Variants in NKAIN4 observed in about 807,000 individuals in gnomAD.
NKAIN4 encodes the protein sodium/potassium transporting ATPase interacting 4.
NKAIN4 carries 28 observed loss-of-function variants against 28.8 expected under a neutral mutation model. The ratio of observed to expected loss-of-function variants is 0.97; its 90% CI spans 0.72 to 1.33. NKAIN4 has a LOEUF of 1.33. Ranked by LOEUF, NKAIN4 falls within the 40% of genes most tolerant of loss-of-function variation. The pLI is 0.00. For synonymous variants in NKAIN4, 122 were observed against 115.6 expected, an observed-to-expected ratio of 1.06 and a Z score of -0.36; for missense variants, 289 against 277.2, an observed-to-expected ratio of 1.04 and a Z score of -0.30.
chr20:63,241,534 G>A (rs1211130813), intron 6 of NKAIN4, 28 bp from the exon 7 acceptor site: 1 of 1,548,742 alleles, frequency 6.5e-7, no homozygotes, highest in African/African-American at 1.4e-5. Flanking sequence ...GAGAGCACCT[G>A]GGGGAACAGG....
chr20:63,244,237 A>C (rs992617979), intron 4 of NKAIN4, among the ~76,000 whole-genome samples, 153 bp from the exon 5 acceptor site: 1 of 152,196 alleles, frequency 6.6e-6, no homozygotes, highest in Non-Finnish European at 1.5e-5. Context: ...TTGGAGTGGG[A>C]GAGCTGACCC....
intron 1 of NKAIN4, chr20:63,253,304 C>T (rs2295537): frequency 0.5 from 489,211 of 984,894 alleles, 122,089 homozygotes; most frequent in African/African-American, 0.55. Context: ...GCGGCCCCAG[C>T]GAGCCTCCCA....
chr20:63,250,207 G>A (rs2295535), intron 1 of NKAIN4, 135 bp from the exon 2 acceptor site: 110,340 of 996,340 alleles, frequency 0.11, 7,152 homozygotes, highest in East Asian at 0.29. Context: ...TTTGTTTGAC[G>A]AAGGACACCA....
At chr20:63,244,321 C>CAGGT in intron 4 of NKAIN4, 1 of 580,990 alleles carries the variant, frequency 1.7e-6, no homozygotes. Flanking sequence ...GGGTAGGGGG[C>CAGGT]AGGTGGGTGA....
Position 63,245,850 on chromosome 20 carries a change from A to G in NKAIN4, c.471+1728T>C, listed in dbSNP as rs899663270. Reference sequence around the variant, plus strand: ...GGAGGCCCCATCTCCCCAACCATGCAGAGTGCCCACTCCTCCAGCCTCGGC... The same window carrying G: ...GGAGGCCCCATCTCCCCAACCATGCGGAGTGCCCACTCCTCCAGCCTCGGC... On this transcript the variant is annotated intron_variant, in intron 4 of 6. Transcript: ENST00000370316. This position sits in a 1 kb window ranked among gnomAD's most constrained non-coding sequence, Gnocchi z 4.7. Among the ~76,000 whole-genome samples the G allele has an allele frequency of 6.6e-6, 1 of 152,102 alleles. No homozygotes were observed. Among genetic ancestry groups the G allele is most frequent in the African/African-American group, 2.4e-5 (1 of 41,498 alleles).
intron 5 of NKAIN4, 96 bp from the exon 6 acceptor site, chr20:63,242,719 G>T: frequency 1.2e-6 from 1 of 807,664 alleles, no homozygotes. Flanking sequence ...AGCCCAAGGG[G>T]TCCCTGGGGG....
rs2066742260 is a variant in NKAIN4 at position 63,241,111 on chromosome 20, T to C, written c.*386A>G. On this transcript the variant is annotated 3_prime_UTR_variant, in exon 7 of 7. Transcript: ENST00000370316. ...TGGGGAGGCTGCATCCCAGCAGCAG[T>C]GCTTGCAGCCCGAGGGTCCAGCAGC... 3.9e-6 allele frequency: 1 copy of C among 257,390 alleles called. No homozygotes were observed. The highest frequency in any genetic ancestry group is 4.5e-5 in the South Asian group (1 of 22,202). The allele number at this position is 257,390 out of a possible 1,614,324, so 15.9% of individuals were successfully genotyped here. A position where few individuals can be genotyped will look rare whatever the true frequency, so the allele number is the denominator to read the frequency against.
At chr20:63,246,979 G>A (rs1051140634) in intron 4 of NKAIN4, 10 of 994,232 alleles carry the variant, frequency 1.0e-5, no homozygotes, top group African/African-American at 8.7e-5. Context: ...GTGCAGGGCC[G>A]GAGAGGACGG....
Position 63,247,777 on chromosome 20 carries a change from T to C in NKAIN4, c.274-2A>G. The C allele has an allele frequency of 6.9e-7, 1 of 1,450,200 alleles. No homozygotes were observed. The highest frequency in any genetic ancestry group is 9.1e-7 in the Non-Finnish European group (1 of 1,096,886). The allele number at this position is 1,450,200 out of a possible 1,614,324, so 89.8% of individuals were successfully genotyped here. A position where few individuals can be genotyped will look rare whatever the true frequency, so the allele number is the denominator to read the frequency against. On this transcript the variant is annotated splice_acceptor_variant, in intron 3 of 6. Transcript: ENST00000370316. LOFTEE classifies it high-confidence loss of function. ...GCTGAAGGTCAGTAGCTCGCTGTCC[T>C]AGGGGAGAGGTGCAGGAGCAGGGCC...
At chr20:63,251,800 T>C (rs1185581852) in intron 1 of NKAIN4, among the ~76,000 whole-genome samples, 1 of 152,200 alleles carries the variant, frequency 6.6e-6, no homozygotes, top group African/African-American at 2.4e-5. Context: ...TTATATATTT[T>C]ATTATACTGG....
At chr20:63,243,858 T>C in intron 5 of NKAIN4, 166 bp downstream of exon 5, 1 of 604,976 alleles carries the variant, frequency 1.7e-6, no homozygotes, top group South Asian at 2.1e-5. Flanking sequence ...TTCCCTGGTG[T>C]GTGGCGAGTC....
At chr20:63,241,886 C>T (rs1234148133) in intron 6 of NKAIN4, 12 of 388,106 alleles carry the variant, frequency 3.1e-5, no homozygotes, top group Non-Finnish European at 4.5e-5. Flanking sequence ...CTACCTTGAA[C>T]GGCCCCTGCC....
At chr20:63,247,057 C>A (rs540039915) in intron 4 of NKAIN4, 2 of 1,004,292 alleles carry the variant, frequency 2.0e-6, no homozygotes, top group Non-Finnish European at 2.4e-6. Context: ...AATCCCTGTC[C>A]GGTCAGACCT....
chr20:63,253,005 C>T (rs2066987553), intron 1 of NKAIN4, among the ~76,000 whole-genome samples: 1 of 152,168 alleles, frequency 6.6e-6, no homozygotes, highest in Non-Finnish European at 1.5e-5. Flanking sequence ...CTAGTGTCCC[C>T]CAAAGCAGCC....
chr20:63,246,920 G>C lies in NKAIN4; in HGVS notation c.471+658C>G, dbSNP rs568542210. The stretch of plus-strand genomic sequence containing the variant: ...GAGGCGGCACAGCGGGGAAGTGGCC[G>C]TGTGGCCATACCAGGAGCAGCATCG... On this transcript the variant is annotated intron_variant, in intron 4 of 6. Transcript: ENST00000370316. The C allele has an allele frequency of 4.0e-5, 39 of 985,764 alleles. No homozygotes were observed. The East Asian group carries it at 3.5e-3, about 89-fold the overall frequency. 61.1% of individuals were successfully genotyped at this position (985,764 alleles called of 1,614,324 possible). A position where few individuals can be genotyped will look rare whatever the true frequency, so the allele number is the denominator to read the frequency against.
chr20:63,250,563 G>T (rs1391716870), intron 1 of NKAIN4, among the ~76,000 whole-genome samples: 1 of 133,700 alleles, frequency 7.5e-6, no homozygotes, highest in African/African-American at 2.5e-5. Flanking sequence ...CCAGCCTGCT[G>T]CCTGCATCTC....
Position 63,252,686 on chromosome 20 carries a change from G to T in NKAIN4, c.54+1711C>A, listed in dbSNP as rs2066982249. Among the ~76,000 whole-genome samples the T allele has an allele frequency of 6.6e-6, 1 of 152,204 alleles. No homozygotes were observed. Among genetic ancestry groups the T allele is most frequent in the Non-Finnish European group, 1.5e-5 (1 of 68,042 alleles). On this transcript the variant is annotated intron_variant, in intron 1 of 6. Coordinates refer to ENST00000370316, the MANE Select transcript of NKAIN4 (RefSeq NM_152864.4). The surrounding 1 kb of genome is among the most constrained non-coding windows in gnomAD (Gnocchi z 4.6). ...CCCTGAGAGGACACGGCTCTGCCCA[G>T]TCCCTGGAGAGTCCCCAGGTCTGCT...
In NKAIN4 at chr20:63,253,584, T is replaced by TCCCC. The variant is rs1221513866; in HGVS notation, c.54+812_54+813insGGGG. 3.3e-5 allele frequency: 30 copies of TCCCC among 896,384 alleles called. No homozygotes were observed. In the East Asian group the frequency reaches 3.5e-3, roughly 104 times the overall value. The allele number at this position is 896,384 out of a possible 1,614,324, so 55.5% of individuals were successfully genotyped here. The stretch of plus-strand genomic sequence containing the variant: ...TTAAGACGGGAGACCCAGGGCCAAT[T>TCCCC]AGCATCGAAGCAAAGCAGCTTCCCC... On this transcript the variant is annotated intron_variant, in intron 1 of 6. Coordinates refer to ENST00000370316, the MANE Select transcript of NKAIN4 (RefSeq NM_152864.4).
At chr20:63,249,787 CAA>C (rs2066923514) in intron 2 of NKAIN4, 146 bp downstream of exon 2, 11 of 737,254 alleles carry the variant, frequency 1.5e-5, no homozygotes, top group Non-Finnish European at 2.3e-5. Context: ...GTCCAGGCAG[CAA>C]AGAGGTCTGA....
Sources: allele counts gnomAD v4.1 joint callset (sites outside exome capture counted in the v4.1 genomes callset), GRCh38; gene constraint gnomAD v4.1.1; non-coding constraint Gnocchi (gnomAD v3.1); transcripts MANE v1.5; gene names NCBI Gene and HGNC (gene_info 2026-07-23, HGNC 2026-07-21).